The following CDCP2 variants were observed in gnomAD, a reference collection of about 807,000 sequenced individuals.
The protein encoded by CDCP2 is CUB domain-containing protein 2.
In CDCP2, 31 loss-of-function variants were observed where a neutral mutation model predicts 31.0. The ratio of observed to expected loss-of-function variants is 1.00; its 90% confidence interval spans 0.75 to 1.35. The LOEUF is 1.35. CDCP2 is among the 40% of genes most tolerant of loss of function. CDCP2 has a pLI of 0.00. For missense variants in CDCP2, 443 were observed against 482.6 expected, an observed-to-expected ratio of 0.92 and a Z score of 0.77; for synonymous variants, 206 against 207.9, an observed-to-expected ratio of 0.99 and a Z score of 0.08.
intron 1 of CDCP2, among the ~76,000 whole-genome samples, chr1:54,148,750 G>A (rs1337552306): frequency 6.6e-6 from 1 of 150,902 alleles, no homozygotes; most frequent in East Asian, 2.0e-4. Context: ...AAGAGTCAAG[G>A]CCGGGTGCCA....
At chr1:54,133,245 G>A (rs1659196968) in exon 6 of CDCP2, 1 of 399,016 alleles carries the variant, frequency 2.5e-6, no homozygotes, top group South Asian at 1.3e-4. Context: ...CCCCGCGGCT[G>A]AGAAGTCGAT....
intron 1 of CDCP2, among the ~76,000 whole-genome samples, chr1:54,150,705 C>G (rs1343167929): frequency 6.6e-6 from 1 of 152,222 alleles, no homozygotes; most frequent in Non-Finnish European, 1.5e-5. Context: ...CCCAGAGGCT[C>G]TGGCTGTGGC....
At chr1:54,152,764 G>A (rs1254737921) in intron 1 of CDCP2, 80 bp downstream of exon 1, 3 of 1,370,192 alleles carry the variant, frequency 2.2e-6, no homozygotes, top group Non-Finnish European at 3.1e-6. Flanking sequence ...GGCTTCCCAT[G>A]TAGAAACTTC....
At chr1:54,140,070 T>A in exon 4 of CDCP2, 1 of 1,613,308 alleles carries the variant, frequency 6.2e-7, no homozygotes, top group Non-Finnish European at 8.5e-7. Context: ...GCTGGAGAAG[T>A]TGCCCCGCAT....
intron 4 of CDCP2, chr1:54,138,653 G>C (rs1236570328): frequency 6.6e-6 from 1 of 152,202 alleles, no homozygotes; most frequent in Non-Finnish European, 1.5e-5. Context: ...AGCCCTCTTG[G>C]ATGATAAGTA....
At chr1:54,148,555 A>T (rs190083592) in intron 1 of CDCP2, among the ~76,000 whole-genome samples, 1 of 151,894 alleles carries the variant, frequency 6.6e-6, no homozygotes, top group Admixed American at 6.5e-5. Context: ...AAGAAATATG[A>T]ATCTCAGGAA....
chr1:54,151,086 G>A (rs977424110), intron 1 of CDCP2, among the ~76,000 whole-genome samples: 1 of 152,212 alleles, frequency 6.6e-6, no homozygotes, highest in Admixed American at 6.5e-5. Context: ...GATTTCCAGA[G>A]GGGGTGATAT....
intron 5 of CDCP2, among the ~76,000 whole-genome samples, chr1:54,133,580 A>T (rs1346635986): frequency 6.6e-6 from 1 of 151,974 alleles, no homozygotes; most frequent in Admixed American, 6.6e-5. Flanking sequence ...TCTCACAACA[A>T]TGTTCTCTTA....
At chr1:54,148,610 G>A (rs958327653) in intron 1 of CDCP2, among the ~76,000 whole-genome samples, 1 of 151,668 alleles carries the variant, frequency 6.6e-6, no homozygotes, top group Non-Finnish European at 1.5e-5. Flanking sequence ...GAAGCTAGAG[G>A]AACATTTTAA....
chr1:54,151,040 G>C (rs150234850), intron 1 of CDCP2, among the ~76,000 whole-genome samples: 1 of 152,176 alleles, frequency 6.6e-6, no homozygotes, highest in Admixed American at 6.5e-5. Context: ...GAGGAAAGCC[G>C]ATCTTGCTGG....
chr1:54,139,638 C>A (rs138436244), intron 4 of CDCP2, 115 bp downstream of exon 4: 2 of 1,493,974 alleles, frequency 1.3e-6, no homozygotes, highest in East Asian at 2.5e-5. Flanking sequence ...CTGGAGAAGA[C>A]CATTCATGGG....
exon 4 of CDCP2, chr1:54,139,877 C>G: frequency 6.2e-7 from 1 of 1,614,098 alleles, no homozygotes; most frequent in South Asian, 1.1e-5. Context: ...AATTCCCCAG[C>G]AGGGGTGCCT....
chr1:54,148,972 A>ATATATATATATATAT lies in CDCP2; in HGVS notation c.79+3871_79+3872insATATATATATATATA, dbSNP rs940024678. 1.5e-4 allele frequency among the ~76,000 whole-genome samples: 22 copies of ATATATATATATATAT among 143,524 alleles called. 1 individual carries two copies. Among genetic ancestry groups the ATATATATATATATAT allele is most frequent in the African/African-American group, 5.2e-4 (20 of 38,460 alleles). The allele number at this position is 143,524 out of a possible 152,430, so 94.2% of individuals were successfully genotyped here. A position where few individuals can be genotyped will look rare whatever the true frequency, so the allele number is the denominator to read the frequency against. On this transcript the variant is annotated intron_variant, in intron 1 of 5. Transcript: ENST00000530059. ...TTGAACAAATGAATTGTTTAAAAAA[A>ATATATATATATATAT]AAATATATATATATATAATATATAA...
intron 2 of CDCP2, chr1:54,142,943 G>T (rs748762757): frequency 1.3e-5 from 2 of 152,234 alleles, no homozygotes; most frequent in Non-Finnish European, 2.9e-5. Flanking sequence ...TCTTTAACAA[G>T]ATATTAAAAT....
rs531214745 is a variant in CDCP2 at position 54,148,282 on chromosome 1, G to A, written c.80-3469C>T. ...GCCAGGTGTCCTCAGCACTTTGGGA[G>A]GCTGAGGCAGGAGGATCACTTGAAC... On this transcript the variant is annotated intron_variant, in intron 1 of 5. Transcript: ENST00000530059. Among the ~76,000 whole-genome samples the A allele has an allele frequency of 6.0e-5, 9 of 150,890 alleles. No homozygotes were observed. The South Asian group carries it at 1.7e-3, about 28-fold the overall frequency.
chr1:54,145,653 C>T (rs921216134), intron 1 of CDCP2, among the ~76,000 whole-genome samples: 2 of 151,932 alleles, frequency 1.3e-5, no homozygotes, highest in Admixed American at 1.3e-4. Flanking sequence ...CAGTCTACTA[C>T]GATGTTAAAA....
intron 5 of CDCP2, among the ~76,000 whole-genome samples, chr1:54,133,644 C>T (rs1659205708): frequency 6.6e-6 from 1 of 152,196 alleles, no homozygotes; most frequent in African/African-American, 2.4e-5. Context: ...CGCCTGTAAT[C>T]CCAGCACTGT....
chr1:54,143,324 A>C (rs1659405793), intron 2 of CDCP2: 1 of 152,390 alleles, frequency 6.6e-6, no homozygotes, highest in Non-Finnish European at 1.5e-5. Flanking sequence ...TGGATGACAG[A>C]GCAAAACTCC....
At chr1:54,136,177 G>A (rs1381883983) in intron 5 of CDCP2, among the ~76,000 whole-genome samples, 1 of 152,200 alleles carries the variant, frequency 6.6e-6, no homozygotes, top group East Asian at 1.9e-4. Flanking sequence ...GGATGGGTGG[G>A]AGAAGCAGGG....
Sources: gnomAD v4.1 joint callset for allele counts (sites outside exome capture counted in the v4.1 genomes callset) on GRCh38, gnomAD v4.1.1 for gene constraint, MANE v1.5 for transcripts, NCBI Gene and HGNC (gene_info 2026-07-23, HGNC 2026-07-21) for gene names.